NCR2: variants seen among roughly 807,000 people sequenced by gnomAD.
NCR2 encodes NK cell activating receptor (NKp44).
A neutral mutation model predicts 30.7 loss-of-function variants in NCR2; 35 were observed. That is an observed-to-expected ratio of 1.14 (90% CI 0.87 to 1.51). The LOEUF (loss-of-function observed/expected upper bound fraction) is 1.51, where lower values mean the gene tolerates loss of function less well. Ranked by LOEUF, NCR2 falls within the 40% of genes most tolerant of loss-of-function variation. The pLI, the probability that NCR2 is intolerant of heterozygous loss-of-function variation, is 0.00. For synonymous variants in NCR2, 146 were observed against 134.8 expected (o/e 1.08, Z -0.58); for missense variants, 316 against 328.9 (o/e 0.96, Z 0.30).
At position 41,336,328 on chromosome 6, in the gene NCR2, T is replaced by C; in HGVS notation, c.294T>C (p.Asp98=). Residue 98 remains aspartate, a synonymous_variant, in exon 2 of 5, where the codon GAT becomes GAC. Coordinates refer to ENST00000373089, the MANE Select transcript of NCR2 (RefSeq NM_004828.4). ...GCTTCTTCACTGTCACCATGACTGA[T>C]CTGAGAGAGGAAGACTCAGGACATT... ...DAGFFTVTMT[D]LREEDSGHYW... is the part of the protein sequence containing the mutation. The C allele has an allele frequency of 2.5e-6, 4 of 1,614,122 alleles. No homozygotes were observed. The highest frequency in any genetic ancestry group is 2.5e-6 in the Non-Finnish European group (3 of 1,180,026).
intron 4 of NCR2, among the ~76,000 whole-genome samples, chr6:41,348,297 T>C (rs1325805263): frequency 6.6e-6 from 1 of 152,170 alleles, no homozygotes; most frequent in East Asian, 1.9e-4. Context: ...CAGGTCCAGG[T>C]GTGGAGGAAA....
rs200104232 is a variant in NCR2 at position 41,350,734 on chromosome 6, C to G, written c.701C>G (p.Ala234Gly). 3 of 1,613,742 alleles carry G rather than the reference C, an allele frequency of 1.9e-6. No individual in the cohort carries two copies. Among genetic ancestry groups the G allele is most frequent in the Non-Finnish European group, 2.5e-6 (3 of 1,179,738 alleles). The change falls in exon 5 of 5, where the codon GCC becomes GGC. Residue 234 changes from alanine to glycine, a missense_variant. Ala to Gly is a moderately conservative substitution (Grantham distance 60, BLOSUM62 0). Coordinates refer to ENST00000373089, the MANE Select transcript of NCR2 (RefSeq NM_004828.4). The stretch of plus-strand genomic sequence containing the variant: ...CTCAGGAGCCTGGATACCCAAAAAG[C>G]CACCTGCCACCTTCAACAGGTCACG... ...MELRSLDTQK[A>G]TCHLQQVTDL...
Position 41,350,861 on chromosome 6 carries a change from G to A in NCR2, c.828G>A (p.Leu276=), listed in dbSNP as rs755536908. 14 of 833,444 alleles carry A rather than the reference G, an allele frequency of 1.7e-5. No individual in the cohort carries two copies. Among genetic ancestry groups the A allele is most frequent in the Non-Finnish European group, 2.9e-5 (14 of 479,714 alleles). 51.6% of individuals were successfully genotyped at this position (833,444 alleles called of 1,614,324 possible). A position where few individuals can be genotyped will look rare whatever the true frequency, so the allele number is the denominator to read the frequency against. Residue 276 remains leucine (L), a synonymous_variant, in exon 5 of 5, where the codon TTG becomes TTA. Transcript: ENST00000373089. The part of the protein sequence containing the change: ...KISDDDDEHT[L] ...GCGATGATGATGATGAACACACTTT[G>A]TGAATAATAAAATTATCTGAATGTT...
rs138366454 is a variant in NCR2 at position 41,342,087 on chromosome 6, G to T, written c.582G>T (p.Val194=). 143 of 1,613,718 alleles carry T rather than the reference G, an allele frequency of 8.9e-5. No homozygotes were observed. Among genetic ancestry groups the T allele is most frequent in the Non-Finnish European group, 1.2e-4 (139 of 1,180,030 alleles). The stretch of plus-strand genomic sequence containing the variant: ...GCCCTGCAGCCCCCATTGCCCTGGT[G>T]CCTGTGTTCTGTGGACTCCTCGTAG... The part of the protein sequence containing the change: ...RPGPAAPIAL[V]PVFCGLLVAK... The change falls in exon 4 of 5, where the codon GTG becomes GTT. Residue 194 remains valine (V), a synonymous_variant. Transcript: ENST00000373089.
chr6:41,346,122 C>T (rs781375186), intron 4 of NCR2, among the ~76,000 whole-genome samples: 11 of 152,290 alleles, frequency 7.2e-5, no homozygotes, highest in South Asian at 4.1e-4. Context: ...ATCTGGGGCA[C>T]GGCTCTTTAT....
chr6:41,342,444 C>T (rs968746230), intron 4 of NCR2, among the ~76,000 whole-genome samples: 1 of 151,398 alleles, frequency 6.6e-6, no homozygotes. Context: ...CTCCCTTTCT[C>T]TCTCCATTCC....
chr6:41,350,572 C>A, intron 4 of NCR2, 106 bp from the exon 5 acceptor site: 3 of 986,948 alleles, frequency 3.0e-6, no homozygotes, highest in East Asian at 2.5e-5. Flanking sequence ...GTGGGTATGG[C>A]AACCAACCCT....
chr6:41,342,116 A>G lies in NCR2; in HGVS notation c.611A>G (p.Lys204Arg), dbSNP rs996284837. 2.4e-5 allele frequency: 39 copies of G among 1,613,444 alleles called. 1 individual carries two copies. Among genetic ancestry groups the G allele is most frequent in the Non-Finnish European group, 3.3e-5 (39 of 1,180,008 alleles). ...VPVFCGLLVAKSLVLSALLVW... is the reference protein window; with the variant it reads ...VPVFCGLLVARSLVLSALLVW... ...GTGTTCTGTGGACTCCTCGTAGCCA[A>G]GAGCCTGGTGCTGTCAGCCCTGCTC... Residue 204 changes from lysine to arginine, a missense_variant, in exon 4 of 5, where the codon AAG (lysine) becomes AGG (arginine). Lys to Arg is a conservative substitution (Grantham distance 26). Transcript: ENST00000373089.
intron 4 of NCR2, among the ~76,000 whole-genome samples, chr6:41,347,145 G>A (rs888515109): frequency 2.0e-5 from 3 of 152,144 alleles, no homozygotes; most frequent in Non-Finnish European, 2.9e-5. Context: ...AGCCTGAGAG[G>A]TGGAGGCTGC....
intron 2 of NCR2, among the ~76,000 whole-genome samples, chr6:41,340,081 AAAT>A (rs1769131637): frequency 2.6e-5 from 4 of 152,222 alleles, no homozygotes; most frequent in Admixed American, 2.0e-4. Context: ...ATGATTGTAA[AAAT>A]AATAAATCAT....
intron 4 of NCR2, among the ~76,000 whole-genome samples, chr6:41,347,654 GT>G (rs1769334553): frequency 6.6e-6 from 1 of 152,208 alleles, no homozygotes; most frequent in Non-Finnish European, 1.5e-5. Flanking sequence ...CTCATTTGAT[GT>G]TGCATAATAA....
At chr6:41,343,097 G>A (rs113053375) in intron 4 of NCR2, 140 of 1,298,154 alleles carry the variant, frequency 1.1e-4, no homozygotes, top group African/African-American at 8.0e-4. Flanking sequence ...GCTGTTATCC[G>A]CAAAGAAAAG....
chr6:41,337,220 A>G (rs1581658972), intron 2 of NCR2, among the ~76,000 whole-genome samples: 1 of 152,322 alleles, frequency 6.6e-6, no homozygotes, highest in Non-Finnish European at 1.5e-5. Flanking sequence ...AAATAAGAAA[A>G]AGATATATAA....
rs777908987 is a variant in NCR2 at position 41,341,952 on chromosome 6, C to A, written c.530+23C>A. ...ACAGTGAGTTTCGGGGTGCCCGTAG[C>A]CACACAGGCCTGGGCGGGGGCTGGC... On this transcript the variant is annotated intron_variant, in intron 3 of 4. Coordinates refer to ENST00000373089, the MANE Select transcript of NCR2 (RefSeq NM_004828.4). 2.5e-6 allele frequency: 4 copies of A among 1,612,212 alleles called. No individual in the cohort carries two copies. The Admixed American group carries it at 6.7e-5, about 27-fold the overall frequency.
chr6:41,344,850 G>A (rs771412659), intron 4 of NCR2, among the ~76,000 whole-genome samples: 5 of 152,210 alleles, frequency 3.3e-5, no homozygotes, highest in Non-Finnish European at 5.9e-5. Flanking sequence ...GGTGCTGTGG[G>A]CTCCAGGCGG....
At chr6:41,340,083 A>G (rs1227584427) in intron 2 of NCR2, among the ~76,000 whole-genome samples, 1 of 152,216 alleles carries the variant, frequency 6.6e-6, no homozygotes, top group Admixed American at 6.5e-5. Flanking sequence ...GATTGTAAAA[A>G]TAATAAATCA....
At chr6:41,341,758 C>G (rs775388412) in intron 2 of NCR2, 36 bp from the exon 3 acceptor site, 1 of 1,586,214 alleles carries the variant, frequency 6.3e-7, no homozygotes, top group African/African-American at 1.3e-5. Flanking sequence ...GTGAGGTCTC[C>G]CACTCACTAA....
rs1320713928 is a variant in NCR2 at position 41,335,663 on chromosome 6, A to C, written c.-214A>C. The C allele has an allele frequency of 2.3e-5, 14 of 599,692 alleles. No individual in the cohort carries two copies. Among genetic ancestry groups the C allele is most frequent in the Non-Finnish European group, 4.2e-5 (14 of 335,366 alleles). The allele number at this position is 599,692 out of a possible 1,614,324, so 37.1% of individuals were successfully genotyped here. On this transcript the variant is annotated 5_prime_UTR_variant, in exon 1 of 5. Coordinates refer to ENST00000373089, the MANE Select transcript of NCR2 (RefSeq NM_004828.4). ...TGTGCCAGACAGCGCCGAGCCCACC[A>C]GACCCAGACTCACCTACAGCTGGAG... is the stretch of plus-strand genomic sequence containing the variant.
At chr6:41,347,980 C>A (rs546131417) in intron 4 of NCR2, among the ~76,000 whole-genome samples, 2 of 152,214 alleles carry the variant, frequency 1.3e-5, no homozygotes, top group East Asian at 1.9e-4. Context: ...AGAGAGGGTG[C>A]GGAAGGAGGA....
Sources: allele counts gnomAD v4.1 joint callset (sites outside exome capture counted in the v4.1 genomes callset), GRCh38; gene constraint gnomAD v4.1.1; transcripts MANE v1.5; gene names NCBI Gene and HGNC (gene_info 2026-07-23, HGNC 2026-07-21).